HSPA4L: variants seen among roughly 807,000 people sequenced by gnomAD.
HSPA4L encodes the protein heat shock protein family A (Hsp70) member 4 like, also known as heat shock 70 kDa protein 4L.
HSPA4L carries 48 observed loss-of-function variants against 100.3 expected under a neutral mutation model. The observed-to-expected ratio is 0.48, with a 90% CI of 0.38 to 0.61. HSPA4L has a LOEUF of 0.61. HSPA4L is among the 20% of genes least tolerant of loss of function. The probability of loss-of-function intolerance (pLI) is 0.00; values close to 1 mark genes in which losing one functional copy is unlikely to be tolerated. For missense variants in HSPA4L, 886 were observed against 988.6 expected (o/e 0.90, Z 1.39); for synonymous variants, 319 against 328.2 (o/e 0.97, Z 0.30).
chr4:127,789,462 T>C lies in HSPA4L; in HGVS notation c.108-4615T>C, dbSNP rs1487709770. 7.9e-5 allele frequency among the ~76,000 whole-genome samples: 12 copies of C among 151,934 alleles called. No individual in the cohort carries two copies. The East Asian group carries it at 2.1e-3, about 27-fold the overall frequency. ...GAGATCAAGACCATCCTGGCTAACA[T>C]GGTGAAACCCTGTCTCTACTAAAAA... is the stretch of plus-strand genomic sequence containing the variant. On this transcript the variant is annotated intron_variant, in intron 1 of 18. Transcript: ENST00000296464.
rs563963583 is a variant in HSPA4L, at chr4:127,789,110, C to G, written c.108-4967C>G. Among the ~76,000 whole-genome samples the G allele has an allele frequency of 4.9e-4, 75 of 152,220 alleles. 1 individual carries two copies. Among genetic ancestry groups the G allele is most frequent in the Non-Finnish European group, 1.0e-3 (70 of 68,004 alleles). ...ATGTATTTTCTCCAACCTAATTACG[C>G]TTGGCCTTATAAAAATTAGCTTTTT... On this transcript the variant is annotated intron_variant, in intron 1 of 18. Transcript: ENST00000296464.
chr4:127,821,951 C>A (rs1268325145), intron 14 of HSPA4L, among the ~76,000 whole-genome samples: 1 of 152,080 alleles, frequency 6.6e-6, no homozygotes, highest in Non-Finnish European at 1.5e-5. Context: ...TGTTTTTTAA[C>A]AGCTTTATTG....
rs762652544 is a variant in HSPA4L, at chr4:127,782,437, C to A, written c.-114C>A. 2 of 806,750 alleles carry A rather than the reference C, an allele frequency of 2.5e-6. No homozygotes were observed. The highest frequency in any genetic ancestry group is 4.2e-5 in the Admixed American group (2 of 47,996). The allele number at this position is 806,750 out of a possible 1,614,324, so 50.0% of individuals were successfully genotyped here. On this transcript the variant is annotated 5_prime_UTR_variant, in exon 1 of 19. Transcript: ENST00000296464. ...GATTTTCTGCTTAGCGACTTGGGGT[C>A]CCCTCTCGTTTGCTTCTGGTAGGAG...
chr4:127,826,729 T>C (rs1420024703), intron 16 of HSPA4L, among the ~76,000 whole-genome samples: 1 of 152,180 alleles, frequency 6.6e-6, no homozygotes, highest in African/African-American at 2.4e-5. Flanking sequence ...AAAGAAAATA[T>C]TTTATCCTTC....
intron 3 of HSPA4L, among the ~76,000 whole-genome samples, chr4:127,797,361 A>G (rs1733049229): frequency 6.6e-6 from 1 of 152,208 alleles, no homozygotes; most frequent in Non-Finnish European, 1.5e-5. Context: ...GTGAAAATTA[A>G]TAGATCAGGC....
intron 17 of HSPA4L, 67 bp from the exon 18 acceptor site, chr4:127,830,571 A>G: frequency 1.6e-6 from 2 of 1,287,144 alleles, no homozygotes; most frequent in Non-Finnish European, 2.1e-6. Flanking sequence ...TAAAGTAGAA[A>G]TTACTAATAA....
rs1431818984 is a variant in HSPA4L at position 127,827,319 on chromosome 4, T to G, written c.2061T>G (p.Pro687=). The G allele has an allele frequency of 3.7e-6, 6 of 1,610,818 alleles. No individual in the cohort carries two copies. The highest frequency in any genetic ancestry group is 4.2e-6 in the Non-Finnish European group (5 of 1,178,782). The change falls in exon 17 of 19, where the codon CCT becomes CCG. Residue 687 remains proline (P), a synonymous_variant. Coordinates refer to ENST00000296464, the MANE Select transcript of HSPA4L (RefSeq NM_014278.4). Reference sequence around the variant, plus strand: ...TATGTTAACAGAAATACGGCCAGCCTATTCAAATGAAGTACATGGAGCATG... The same window carrying G: ...TATGTTAACAGAAATACGGCCAGCCGATTCAAATGAAGTACATGGAGCATG... ...KLQELKKYGQ[P]IQMKYMEHEE... is the part of the protein sequence containing the mutation.
Position 127,823,567 on chromosome 4 carries a change from T to G in HSPA4L, c.1989T>G (p.Tyr663Ter). 6.2e-7 allele frequency: 1 copy of G among 1,613,936 alleles called. No individual in the cohort carries two copies. The highest frequency in any genetic ancestry group is 8.5e-7 in the Non-Finnish European group (1 of 1,179,806). ...TGGAAGACACAGAAAATTGGCTTTA[T>G]GAAGACGGAGAGGACCAACCTAAAC... ...AVLEDTENWL[Y>*]EDGEDQPKQV... Residue 663 changes from tyrosine (Y) to a stop codon, truncating the protein, a stop_gained, in exon 16 of 19, where the codon TAT becomes TAG. Transcript: ENST00000296464. LOFTEE classifies it high-confidence loss of function.
rs528574365 is a variant in HSPA4L at position 127,803,346 on chromosome 4, G to C, written c.664-283G>C. ...TGCTGTTGTAGAACCAAGTGACTGA[G>C]ATAATGAGGCTTTAGTTGTAATTCA... On this transcript the variant is annotated intron_variant, in intron 6 of 18. Transcript: ENST00000296464. Among the ~76,000 whole-genome samples, 379 of 99,448 alleles carry C rather than the reference G, an allele frequency of 3.8e-3. 3 individuals carry two copies. Among genetic ancestry groups the C allele is most frequent in the African/African-American group, 0.016 (366 of 23,190 alleles). The allele number at this position is 99,448 out of a possible 152,430, so 65.2% of individuals were successfully genotyped here. A position where few individuals can be genotyped will look rare whatever the true frequency, so the allele number is the denominator to read the frequency against.
At position 127,818,331 on chromosome 4, in the gene HSPA4L, A is replaced by G; in HGVS notation, c.1585A>G (p.Met529Val). The G allele has an allele frequency of 1.2e-6, 2 of 1,605,778 alleles. No individual in the cohort carries two copies. The highest frequency in any genetic ancestry group is 1.7e-6 in the Non-Finnish European group (2 of 1,173,890). The change falls in exon 13 of 19, where the codon ATG becomes GTG. Residue 529 changes from methionine to valine, a missense_variant. Transcript: ENST00000296464. Reference protein sequence around the residue: ...KNENKDNMDKMQVDQEEGHQK... With the variant: ...KNENKDNMDKVQVDQEEGHQK... ...TTATGTATTTTCTTTCTAGGATAAA[A>G]TGCAGGTTGATCAAGAAGAAGGGCA...
At chr4:127,802,027 G>A (rs1415883161) in intron 6 of HSPA4L, 109 bp downstream of exon 6, 1 of 738,106 alleles carries the variant, frequency 1.4e-6, no homozygotes, top group Non-Finnish European at 2.1e-6. Flanking sequence ...ATGACCTCAA[G>A]CAAGTTACTT....
rs1456094851 is a variant in HSPA4L at position 127,805,081 on chromosome 4, C to T, written c.994C>T (p.Arg332Cys). 6.9e-6 allele frequency: 11 copies of T among 1,593,252 alleles called. No homozygotes were observed. The highest frequency in any genetic ancestry group is 2.2e-5 in the East Asian group (1 of 44,490). Reference protein sequence around the residue: ...KAVMEQANLQREDISSIEIVG... With the variant: ...KAVMEQANLQCEDISSIEIVG... ...TTAAAAAAATTTTCCAGACTTACAA[C>T]GTGAAGACATTAGTAGTATAGAAAT... is the stretch of plus-strand genomic sequence containing the variant. Residue 332 changes from arginine (R) to cysteine (C), a missense_variant, in exon 9 of 19, where the codon CGT becomes TGT. By Grantham distance (180) the Arg-to-Cys change is radical (BLOSUM62 -3). Coordinates refer to ENST00000296464, the MANE Select transcript of HSPA4L (RefSeq NM_014278.4).
intron 17 of HSPA4L, 49 bp from the exon 18 acceptor site, chr4:127,830,589 C>G (rs1734053758): frequency 2.1e-6 from 3 of 1,421,112 alleles, no homozygotes; most frequent in Non-Finnish European, 2.9e-6. Flanking sequence ...TAAACTGGTG[C>G]TAGCTGAAAA....
At chr4:127,799,596 T>C (rs1320796052) in intron 4 of HSPA4L, among the ~76,000 whole-genome samples, 1 of 152,224 alleles carries the variant, frequency 6.6e-6, no homozygotes, top group Non-Finnish European at 1.5e-5. Context: ...ATACTGCCAC[T>C]TGAAAGGATA....
At chr4:127,791,078 G>C (rs1288653628) in intron 1 of HSPA4L, among the ~76,000 whole-genome samples, 1 of 151,820 alleles carries the variant, frequency 6.6e-6, no homozygotes, top group Non-Finnish European at 1.5e-5. Flanking sequence ...TCCAGCCTGG[G>C]TGACAGAGCA....
At chr4:127,823,343 T>C (rs959335979) in intron 15 of HSPA4L, among the ~76,000 whole-genome samples, 174 bp from the exon 16 acceptor site, 3 of 152,086 alleles carry the variant, frequency 2.0e-5, no homozygotes, top group Non-Finnish European at 4.4e-5. Flanking sequence ...GAAATATGAT[T>C]TTGCCATATT....
intron 11 of HSPA4L, 74 bp from the exon 12 acceptor site, chr4:127,811,363 T>TAGCCAAATTATTCAA (rs1198256583): frequency 8.9e-7 from 1 of 1,127,326 alleles, no homozygotes; most frequent in Non-Finnish European, 1.3e-6. Context: ...TTAAAGATGA[T>TAGCCAAATTATTCAA]AGCCAAATTA....
intron 1 of HSPA4L, among the ~76,000 whole-genome samples, chr4:127,792,063 AGT>A (rs1732892329): frequency 6.6e-6 from 1 of 152,334 alleles, no homozygotes; most frequent in Admixed American, 6.5e-5. Context: ...CCAGCAGAAC[AGT>A]GTTTTGTTCA....
intron 1 of HSPA4L, among the ~76,000 whole-genome samples, chr4:127,787,929 T>C (rs1251629751): frequency 3.9e-5 from 6 of 152,196 alleles, no homozygotes; most frequent in African/African-American, 1.2e-4. Flanking sequence ...TGTGTTGTGA[T>C]GAAACTTTAT....
Sources: allele counts gnomAD v4.1 joint callset (sites outside exome capture counted in the v4.1 genomes callset), GRCh38; gene constraint gnomAD v4.1.1; transcripts MANE v1.5; gene names NCBI Gene and HGNC (gene_info 2026-07-23, HGNC 2026-07-21).